BIRC6: variants seen among roughly 807,000 people sequenced by gnomAD.
The protein encoded by BIRC6 is baculoviral IAP repeat containing 6.
BIRC6 carries 98 observed loss-of-function variants against 503.3 expected under a neutral mutation model. The observed-to-expected ratio is 0.19, with a 90% CI of 0.17 to 0.23. BIRC6 has a LOEUF of 0.23. BIRC6 is among the 10% of genes least tolerant of loss of function. The pLI, the probability that BIRC6 is intolerant of heterozygous loss-of-function variation, is 1.00. For missense variants in BIRC6, 5,360 were observed against 5,806.0 expected (o/e 0.92, Z 2.50); for synonymous variants, 2,240 against 2,078.7 (o/e 1.08, Z -2.11).
In BIRC6 at chr2:32,560,580, A is replaced by G. The variant is rs943174694; in HGVS notation, c.13144+11099A>G. On this transcript the variant is annotated intron_variant, in intron 65 of 73. Coordinates refer to ENST00000421745, the MANE Select transcript of BIRC6 (RefSeq NM_016252.4). ...ACATGTGAATATAATGTAACTATAT[A>G]TTTTTTCTTTTTTCTTCTTCAGTCA... 4.6e-5 allele frequency among the ~76,000 whole-genome samples: 7 copies of G among 152,040 alleles called. No individual in the cohort carries two copies. The South Asian group carries it at 1.2e-3, about 27-fold the overall frequency.
rs1244077881 is a variant in BIRC6 at position 32,460,998 on chromosome 2, CTCTCTTCTCTTCTCTTCTCTTCTCT to C, written c.4754-2152_4754-2128del. ...GATGCAATTGCTCTGCTCTGCTCTGCTCTCTTCTCTTCTCTTCTCTTCTCTTCTCTTCTCTTCTCTTCTCTTCTCT... is the reference window on the plus strand; with the variant it reads ...GATGCAATTGCTCTGCTCTGCTCTGCTCTCTTCTCTTCTCTTCTCTTCTCT... On this transcript the variant is annotated intron_variant, in intron 23 of 73. Coordinates refer to ENST00000421745, the MANE Select transcript of BIRC6 (RefSeq NM_016252.4). Among the ~76,000 whole-genome samples the C allele has an allele frequency of 2.0e-3, 174 of 88,736 alleles. 4 individuals carry two copies. Among genetic ancestry groups the C allele is most frequent in the African/African-American group, 6.0e-3 (140 of 23,520 alleles). The allele number at this position is 88,736 out of a possible 152,430, so 58.2% of individuals were successfully genotyped here.
intron 3 of BIRC6, among the ~76,000 whole-genome samples, chr2:32,381,083 T>G (rs538342525): frequency 6.6e-6 from 1 of 152,322 alleles, no homozygotes; most frequent in Non-Finnish European, 1.5e-5. Flanking sequence ...TAAGTTATAC[T>G]GCATATCAAA....
intron 5 of BIRC6, among the ~76,000 whole-genome samples, 190 bp downstream of exon 5, chr2:32,392,340 C>T (rs970962353): frequency 2.0e-5 from 3 of 152,072 alleles, no homozygotes; most frequent in African/African-American, 7.2e-5. Flanking sequence ...CTGCAACCTC[C>T]GCCTCTCAGG....
At chr2:32,549,191 G>A (rs2058269229) in intron 64 of BIRC6, 122 bp from the exon 65 acceptor site, 1 of 606,848 alleles carries the variant, frequency 1.6e-6, no homozygotes. Flanking sequence ...TTAAAACATA[G>A]TATAAGATAC....
chr2:32,488,693 C>A lies in BIRC6; in HGVS notation c.8074C>A (p.Pro2692Thr). The change falls in exon 42 of 74, where the codon CCT becomes ACT. Residue 2692 changes from proline (P) to threonine (T), a missense_variant. Physicochemically the swap from Pro to Thr is conservative, Grantham distance 38. Around this residue, in one of 16 missense-constraint regions of BIRC6, gnomAD observed 2,299 missense variants for 2,267.2 expected, o/e 1.01. Transcript: ENST00000421745. Reference protein sequence around the residue: ...DIFLYNANRIPVISLNQASIT... With the variant: ...DIFLYNANRITVISLNQASIT... ...ATTTTTATATAATGCTAATAGGATA[C>A]CTGTTATTTCATTAAATCAAGGTAA... The A allele has an allele frequency of 1.4e-6, 2 of 1,424,030 alleles. No individual in the cohort carries two copies. Among genetic ancestry groups the A allele is most frequent in the Non-Finnish European group, 1.9e-6 (2 of 1,050,694 alleles). 88.2% of individuals were successfully genotyped at this position (1,424,030 alleles called of 1,614,324 possible).
Position 32,431,048 on chromosome 2 carries a change from A to G in BIRC6, c.3206A>G (p.Asp1069Gly), listed in dbSNP as rs765956621. The G allele has an allele frequency of 1.2e-6, 2 of 1,613,354 alleles. No homozygotes were observed. Among genetic ancestry groups the G allele is most frequent in the East Asian group, 4.5e-5 (2 of 44,874 alleles). ...CATTTGCATCAGCAACACCATGGTG[A>G]TGCTGCTCAGCATACTCGAACTTGG... ...PQHLHQQHHGDAAQHTRTWKL... is the reference protein window; with the variant it reads ...PQHLHQQHHGGAAQHTRTWKL... The change falls in exon 12 of 74, where the codon GAT becomes GGT. Residue 1069 changes from aspartate (D) to glycine (G), a missense_variant. Coordinates refer to ENST00000421745, the MANE Select transcript of BIRC6 (RefSeq NM_016252.4).
At chr2:32,386,345 A>G (rs530387084) in intron 3 of BIRC6, among the ~76,000 whole-genome samples, 1 of 152,138 alleles carries the variant, frequency 6.6e-6, no homozygotes, top group African/African-American at 2.4e-5. Context: ...GCCACCTGAT[A>G]GTTTACCATC....
chr2:32,528,209 G>C (rs1383041136), intron 59 of BIRC6: 1 of 151,468 alleles, frequency 6.6e-6, no homozygotes, highest in Non-Finnish European at 1.5e-5. Flanking sequence ...GCCTGCTGTT[G>C]TTTGTAGCTG....
intron 1 of BIRC6, among the ~76,000 whole-genome samples, chr2:32,362,927 G>A (rs1306666817): frequency 6.6e-6 from 1 of 151,988 alleles, no homozygotes; most frequent in Non-Finnish European, 1.5e-5. Context: ...GAGGATAATT[G>A]TACTAATTGT....
At chr2:32,439,902 G>A (rs1343118385) in intron 16 of BIRC6, among the ~76,000 whole-genome samples, 2 of 151,980 alleles carry the variant, frequency 1.3e-5, no homozygotes, top group African/African-American at 4.8e-5. Context: ...GTTTTGAGAC[G>A]GGGTCTCACT....
chr2:32,488,092 G>A (rs549490661), intron 41 of BIRC6, among the ~76,000 whole-genome samples: 1 of 152,054 alleles, frequency 6.6e-6, no homozygotes, highest in East Asian at 1.9e-4. Context: ...TGTAGTCCTA[G>A]CTACTCAGGA....
intron 10 of BIRC6, among the ~76,000 whole-genome samples, chr2:32,425,304 T>C (rs1478158039): frequency 6.6e-6 from 1 of 152,146 alleles, no homozygotes; most frequent in East Asian, 1.9e-4. Flanking sequence ...TCATACATCA[T>C]TTTCCTGTTT....
intron 66 of BIRC6, among the ~76,000 whole-genome samples, chr2:32,586,423 CTTTTTTTTTTT>C (rs972959083): frequency 3.9e-4 from 28 of 70,982 alleles, no homozygotes; most frequent in African/African-American, 1.5e-3. Context: ...TCAAGCAGTC[CTTTTTTTTTTT>C]TTTTTTTTTT....
intron 50 of BIRC6, among the ~76,000 whole-genome samples, chr2:32,505,853 C>T (rs764260424): frequency 2.6e-5 from 4 of 151,826 alleles, no homozygotes; most frequent in African/African-American, 9.7e-5. Flanking sequence ...ATGAAATACT[C>T]ATTTGCTTTT....
At position 32,515,686 on chromosome 2, in the gene BIRC6, G is replaced by A. The variant is rs746241258; in HGVS notation, c.11265G>A (p.Gln3755=). The A allele has an allele frequency of 2.5e-6, 4 of 1,605,946 alleles. 1 individual carries two copies. Among genetic ancestry groups the A allele is most frequent in the South Asian group, 2.2e-5 (2 of 91,086 alleles). The part of the protein sequence containing the change: ...SAATTGLTTQ[Q]RTAIENATVA... ...CTACAACAGGACTGACTACTCAACAGCGCACAGCAATTGAGAATGCAACTG... is the reference window on the plus strand; with the variant it reads ...CTACAACAGGACTGACTACTCAACAACGCACAGCAATTGAGAATGCAACTG... The change falls in exon 55 of 74, where the codon CAG becomes CAA. Residue 3755 remains glutamine, a synonymous_variant. Coordinates refer to ENST00000421745, the MANE Select transcript of BIRC6 (RefSeq NM_016252.4).
At chr2:32,414,074 C>G (rs1177549523) in intron 9 of BIRC6, among the ~76,000 whole-genome samples, 4 of 151,970 alleles carry the variant, frequency 2.6e-5, no homozygotes, top group African/African-American at 4.8e-5. Context: ...GGTGGATTAC[C>G]TGAGGTCGGG....
In BIRC6 at chr2:32,547,849, G is replaced by T; in HGVS notation, c.12811-1G>T. 1 of 1,546,780 alleles carries T rather than the reference G, an allele frequency of 6.5e-7. No homozygotes were observed. Among genetic ancestry groups the T allele is most frequent in the Non-Finnish European group, 8.7e-7 (1 of 1,151,474 alleles). On this transcript the variant is annotated splice_acceptor_variant, in intron 63 of 73. Transcript: ENST00000421745. LOFTEE classifies it high-confidence loss of function. ...GGATTTTCATTTTTTGTTATTTTAA[G>T]CCACAGGTGTCAAGCTCTCATAACC...
In BIRC6 at chr2:32,464,903, T is replaced by G. The variant is rs908561145; in HGVS notation, c.5256+80T>G. Reference sequence around the variant, plus strand: ...ATACTCTAACTTTAGAAGGCAAAATTTTTAATACCAACTAGATGTATCAAG... The same window carrying G: ...ATACTCTAACTTTAGAAGGCAAAATGTTTAATACCAACTAGATGTATCAAG... On this transcript the variant is annotated intron_variant, in intron 25 of 73. Transcript: ENST00000421745. The G allele has an allele frequency of 1.5e-5, 23 of 1,492,412 alleles. No individual in the cohort carries two copies. In the African/African-American group the frequency reaches 1.7e-4, roughly 11 times the overall value. 92.4% of individuals were successfully genotyped at this position (1,492,412 alleles called of 1,614,324 possible).
Position 32,503,253 on chromosome 2 carries a change from TA to T in BIRC6, c.9499+20del. 6.4e-7 allele frequency: 1 copy of T among 1,572,808 alleles called. No individual in the cohort carries two copies. Among genetic ancestry groups the T allele is most frequent in the Non-Finnish European group, 8.6e-7 (1 of 1,160,336 alleles). ...CACCCCTCGGTAAGAAAAGTGTTACTAAATCTTACTTATGTGAAATTATCTA... is the reference window on the plus strand; with the variant it reads ...CACCCCTCGGTAAGAAAAGTGTTACTAATCTTACTTATGTGAAATTATCTA... On this transcript the variant is annotated intron_variant, in intron 49 of 73. Transcript: ENST00000421745.
Sources: gnomAD v4.1 joint callset for allele counts (sites outside exome capture counted in the v4.1 genomes callset) on GRCh38, gnomAD v4.1.1 for gene constraint, gnomAD v4.1.1 regional missense constraint, MANE v1.5 for transcripts, NCBI Gene and HGNC (gene_info 2026-07-23, HGNC 2026-07-21) for gene names.